The following REPS2 variants were observed in gnomAD, a reference collection of about 807,000 sequenced individuals.
The protein encoded by REPS2 is ralBP1-associated Eps domain-containing protein 2.
A neutral mutation model predicts 53.6 loss-of-function variants in REPS2; 23 were observed. That is an observed-to-expected ratio of 0.43 (90% confidence interval 0.31 to 0.61). REPS2 has a LOEUF of 0.61. Ranked by LOEUF, REPS2 falls within the 20% of genes least tolerant of loss-of-function variation. The probability of loss-of-function intolerance (pLI) is 0.11; values close to 1 mark genes in which losing one functional copy is unlikely to be tolerated. For missense variants in REPS2, 446 were observed against 534.9 expected (o/e 0.83, Z 1.64); for synonymous variants, 238 against 218.6 (o/e 1.09, Z -0.78).
At position 16,947,301 on chromosome X, in the gene REPS2, G is replaced by A. The variant is rs185847930; in HGVS notation, c.273+167G>A. Reference sequence around the variant, plus strand: ...TGGCGGCGACGCCCTTGTCCCCGGGGGACACCAGCCTCCTTCGCAGCTCAG... The same window carrying A: ...TGGCGGCGACGCCCTTGTCCCCGGGAGACACCAGCCTCCTTCGCAGCTCAG... On this transcript the variant is annotated intron_variant, in intron 1 of 17. Transcript: ENST00000357277. Among the ~76,000 whole-genome samples, 496 of 112,392 alleles carry A rather than the reference G, an allele frequency of 4.4e-3. 2 individuals carry two copies. Among genetic ancestry groups the A allele is most frequent in the Non-Finnish European group, 6.2e-3 (330 of 53,147 alleles).
At chrX:17,188,858 G>A in the REPS2 span, among the ~76,000 whole-genome samples, 11 of 111,884 alleles carry the variant, frequency 9.8e-5, no homozygotes, top group African/African-American at 3.6e-4. Context: ...ACCATTCATA[G>A]CACTTATGTG....
At chrX:17,039,955 T>TC (rs2061811139) in intron 5 of REPS2, among the ~76,000 whole-genome samples, 1 of 112,808 alleles carries the variant, frequency 8.9e-6, no homozygotes, top group Non-Finnish European at 1.9e-5. Flanking sequence ...GTATAGCTTA[T>TC]TGTAATAAGC....
chrX:17,017,469 C>T (rs950017942), intron 2 of REPS2, among the ~76,000 whole-genome samples: 8 of 110,051 alleles, frequency 7.3e-5, no homozygotes, highest in African/African-American at 2.0e-4. Flanking sequence ...AGAGGTTGCT[C>T]GGTGGAACAA....
chrX:17,102,027 T>TG (rs1383104113), intron 13 of REPS2, among the ~76,000 whole-genome samples: 48 of 92,450 alleles, frequency 5.2e-4, no homozygotes, highest in African/African-American at 1.3e-3. Flanking sequence ...TTTTATTTTA[T>TG]TTTATGTTAT....
Position 17,077,312 on chromosome X carries a change from G to A in REPS2, c.1421G>A (p.Gly474Asp). 1.7e-6 allele frequency: 2 copies of A among 1,209,230 alleles called. No individual in the cohort carries two copies. Among genetic ancestry groups the A allele is most frequent in the Non-Finnish European group, 2.2e-6 (2 of 894,167 alleles). ...TCCATAGAAGAGGCCATGAAAAGGG[G>A]CGAGGACCCTCCCACCCCGCCACCT... ...STSIEEAMKR[G>D]EDPPTPPPRP... Residue 474 changes from glycine (G) to aspartate (D), a missense_variant, in exon 13 of 18, where the codon GGC becomes GAC. Transcript: ENST00000357277.
intron 1 of REPS2, 41 bp downstream of exon 1, chrX:16,947,175 A>G: frequency 2.0e-6 from 2 of 992,493 alleles, no homozygotes; most frequent in Non-Finnish European, 2.5e-6. Context: ...TCTGTGGGGC[A>G]GTGTGTGCGG....
intron 2 of REPS2, among the ~76,000 whole-genome samples, chrX:17,011,177 G>T (rs1250412546): frequency 9.1e-6 from 1 of 110,349 alleles, no homozygotes; most frequent in Non-Finnish European, 1.9e-5. Context: ...TACTCTCAGG[G>T]CAAGTGCCGA....
At chrX:16,954,885 A>G (rs1318890961) in intron 1 of REPS2, among the ~76,000 whole-genome samples, 1 of 94,862 alleles carries the variant, frequency 1.1e-5, no homozygotes, top group Non-Finnish European at 2.0e-5. Flanking sequence ...AGGTCGGCTC[A>G]CTGCAACCTC....
chrX:17,054,845 C>T lies in REPS2; in HGVS notation c.1009C>T (p.Leu337=). The change falls in exon 8 of 18, where the codon CTG becomes TTG. Residue 337 remains leucine, a synonymous_variant. Coordinates refer to ENST00000357277, the MANE Select transcript of REPS2 (RefSeq NM_004726.3). The part of the protein sequence containing the change: ...SDADCDGALT[L]PEFCAAFHLI... ...TGCTGACTGTGATGGAGCCCTGACC[C>T]TGCCTGAGTTCTGTGCTGCGTTTCA... is the stretch of plus-strand genomic sequence containing the variant. The T allele has an allele frequency of 8.3e-7, 1 of 1,211,476 alleles. No homozygotes were observed. Among genetic ancestry groups the T allele is most frequent in the South Asian group, 1.8e-5 (1 of 56,965 alleles).
At chrX:17,182,993 C>T in the REPS2 span, among the ~76,000 whole-genome samples, 11 of 110,122 alleles carry the variant, frequency 1.0e-4, no homozygotes, top group Non-Finnish European at 1.9e-4. Context: ...AATTGTTAAA[C>T]AAACCAATGT....
rs62587802 is a variant in REPS2 at position 17,124,970 on chromosome X, T to A, written c.1579-8854T>A. ...CCTCCGCCTCCCGGGTTCAAGTGAT[T>A]TTCGTGCCTCAGCCTCCTGAATAGC... On this transcript the variant is annotated intron_variant, in intron 14 of 17. Coordinates refer to ENST00000357277, the MANE Select transcript of REPS2 (RefSeq NM_004726.3). Among the ~76,000 whole-genome samples the A allele has an allele frequency of 7.1e-3, 763 of 107,996 alleles. 6 individuals are homozygous for A. The highest frequency in any genetic ancestry group is 0.011 in the Non-Finnish European group (578 of 52,149). 93.8% of individuals were successfully genotyped at this position (107,996 alleles called of 115,157 possible).
intron 5 of REPS2, among the ~76,000 whole-genome samples, chrX:17,034,542 C>A (rs773454844): frequency 9.0e-6 from 1 of 111,684 alleles, no homozygotes; most frequent in African/African-American, 3.3e-5. Flanking sequence ...GTGATCTGCC[C>A]GCCTCGGACT....
chrX:17,023,720 C>T (rs1352264347), intron 3 of REPS2, among the ~76,000 whole-genome samples: 1 of 111,096 alleles, frequency 9.0e-6, no homozygotes, highest in Non-Finnish European at 1.9e-5. Flanking sequence ...CATATTTTCC[C>T]ACCAGCATTT....
intron 1 of REPS2, among the ~76,000 whole-genome samples, chrX:16,959,829 C>A (rs2060638770): frequency 9.0e-6 from 1 of 111,380 alleles, no homozygotes; most frequent in Non-Finnish European, 1.9e-5. Flanking sequence ...TTGAGGCCAG[C>A]ATCACCCTGA....
intron 14 of REPS2, 38 bp downstream of exon 14, chrX:17,103,817 G>T (rs2148060652): frequency 8.7e-7 from 1 of 1,150,840 alleles, no homozygotes; most frequent in Non-Finnish European, 1.2e-6. Flanking sequence ...CTGTTCGGTG[G>T]TAGGGAAGTT....
At chrX:16,956,288 T>G (rs1602496571) in intron 1 of REPS2, among the ~76,000 whole-genome samples, 1 of 4,127 alleles carries the variant, frequency 2.4e-4, no homozygotes, top group Middle Eastern at 0.12. Context: ...ACAGCAGTTT[T>G]TTTTTTTTTT....
At position 17,047,406 on chromosome X, in the gene REPS2, G is replaced by A; in HGVS notation, c.831G>A (p.Arg277=). Residue 277 remains arginine, a synonymous_variant, in exon 6 of 18, where the codon AGG becomes AGA. Coordinates refer to ENST00000357277, the MANE Select transcript of REPS2 (RefSeq NM_004726.3). ...GCAGTTACCCCGACGAACCCTGGAG[G>A]ATAACAGAAGAACAGCGCGAGTACT... ...DNSSYPDEPW[R]ITEEQREYYV... is the part of the protein sequence containing the mutation. The A allele has an allele frequency of 8.3e-7, 1 of 1,210,782 alleles. No homozygotes were observed. Among genetic ancestry groups the A allele is most frequent in the Non-Finnish European group, 1.1e-6 (1 of 894,870 alleles).
At chrX:17,132,774 G>T (rs1344918444) in intron 14 of REPS2, among the ~76,000 whole-genome samples, 1 of 111,745 alleles carries the variant, frequency 8.9e-6, no homozygotes, top group Non-Finnish European at 1.9e-5. Context: ...CTGACCTCAG[G>T]TGATCCGCCT....
chrX:16,981,431 G>A (rs1389150828), intron 1 of REPS2, among the ~76,000 whole-genome samples: 1 of 112,715 alleles, frequency 8.9e-6, no homozygotes, highest in Non-Finnish European at 1.9e-5. Flanking sequence ...GTGGCAGAGT[G>A]AATTTGCTGT....
Sources: allele counts gnomAD v4.1 joint callset (sites outside exome capture counted in the v4.1 genomes callset), GRCh38; gene constraint gnomAD v4.1.1; transcripts MANE v1.5; gene names NCBI Gene and HGNC (gene_info 2026-07-23, HGNC 2026-07-21).